ZNF469: variants seen among roughly 807,000 people sequenced by gnomAD.
ZNF469 encodes the protein zinc finger protein 469.
Under a neutral mutation model 1.0 loss-of-function variants are expected in ZNF469, and 1 was observed. The observed-to-expected ratio is 1.00, with a 90% CI of 0.35 to 4.73. The LOEUF (loss-of-function observed/expected upper bound fraction) is 4.73. Among genes scored for constraint, ZNF469 ranks in the 30% most tolerant of loss-of-function variants. The pLI, the probability that ZNF469 is intolerant of heterozygous loss-of-function variation, is 0.16. For synonymous variants in ZNF469, 2,703 were observed against 2,363.4 expected (o/e 1.14, Z -4.17); for missense variants, 6,100 against 5,356.3 (o/e 1.14, Z -4.33).
the ZNF469 span, among the ~76,000 whole-genome samples, chr16:88,332,711 A>G: frequency 6.6e-6 from 1 of 152,178 alleles, no homozygotes; most frequent in South Asian, 2.1e-4. Context: ...GATGGGCAGG[A>G]TGGGGGAGGG....
the ZNF469 span, among the ~76,000 whole-genome samples, chr16:88,155,475 C>T: frequency 6.6e-6 from 1 of 152,216 alleles, no homozygotes; most frequent in Non-Finnish European, 1.5e-5. Context: ...CCCATCCTCT[C>T]ATCCCCCAGC....
At chr16:88,133,072 G>A in the ZNF469 span, among the ~76,000 whole-genome samples, 1 of 152,200 alleles carries the variant, frequency 6.6e-6, no homozygotes, top group African/African-American at 2.4e-5. Context: ...GGGCCGGGGG[G>A]CTGCCCTTCT....
chr16:88,358,117 G>T, the ZNF469 span, among the ~76,000 whole-genome samples: 1 of 152,192 alleles, frequency 6.6e-6, no homozygotes, highest in Non-Finnish European at 1.5e-5. Flanking sequence ...GCTGCTTGAG[G>T]TCCCACCTCC....
At chr16:88,238,776 C>G in the ZNF469 span, among the ~76,000 whole-genome samples, 1 of 152,266 alleles carries the variant, frequency 6.6e-6, no homozygotes, top group Non-Finnish European at 1.5e-5. Flanking sequence ...CAGCCATGCC[C>G]TGTGATAATC....
the ZNF469 span, among the ~76,000 whole-genome samples, chr16:88,288,959 G>T: frequency 6.6e-6 from 1 of 152,132 alleles, no homozygotes; most frequent in Non-Finnish European, 1.5e-5. Flanking sequence ...CAGTGTTCTT[G>T]GTGACTCTAC....
chr16:88,204,505 G>A, the ZNF469 span, among the ~76,000 whole-genome samples: 2 of 152,214 alleles, frequency 1.3e-5, no homozygotes, highest in Non-Finnish European at 2.9e-5. Flanking sequence ...CCCTCTTCGT[G>A]GAAAACCGTG....
the ZNF469 span, among the ~76,000 whole-genome samples, chr16:88,148,057 C>T: frequency 6.6e-5 from 10 of 150,946 alleles, no homozygotes; most frequent in East Asian, 1.8e-3. Flanking sequence ...CTTTGCACCC[C>T]GCTCTGCAGC....
chr16:88,287,199 A>C, the ZNF469 span, among the ~76,000 whole-genome samples: 1 of 152,222 alleles, frequency 6.6e-6, no homozygotes, highest in African/African-American at 2.4e-5. Context: ...ATGGCCATTC[A>C]TCCTCACTGC....
the ZNF469 span, among the ~76,000 whole-genome samples, chr16:88,266,132 A>G: frequency 6.6e-6 from 1 of 152,324 alleles, no homozygotes; most frequent in African/African-American, 2.4e-5. Flanking sequence ...GTTGGCCACT[A>G]CTGAGGGTCA....
chr16:88,141,251 C>A, the ZNF469 span, among the ~76,000 whole-genome samples: 1 of 152,242 alleles, frequency 6.6e-6, no homozygotes, highest in East Asian at 1.9e-4. Context: ...ACAAGATGGA[C>A]GTCTTCAGTT....
At chr16:88,275,027 T>G in the ZNF469 span, among the ~76,000 whole-genome samples, 1 of 152,094 alleles carries the variant, frequency 6.6e-6, no homozygotes, top group Non-Finnish European at 1.5e-5. Flanking sequence ...AGTGAGTGTG[T>G]GGGAGGGGGT....
chr16:88,289,208 T>C, the ZNF469 span, among the ~76,000 whole-genome samples: 1 of 136,174 alleles, frequency 7.3e-6, no homozygotes, highest in East Asian at 2.0e-4. Context: ...ATGATGGTGA[T>C]GGTGGTGATG....
chr16:88,370,817 G>A, the ZNF469 span, among the ~76,000 whole-genome samples: 1 of 152,216 alleles, frequency 6.6e-6, no homozygotes, highest in Non-Finnish European at 1.5e-5. Context: ...CTTGAAGTTG[G>A]CTTTGGCGAT....
the ZNF469 span, among the ~76,000 whole-genome samples, chr16:88,299,230 A>C: frequency 1.4e-5 from 2 of 142,950 alleles, no homozygotes; most frequent in African/African-American, 5.4e-5. Context: ...GGCTTCCTGG[A>C]GGAGGCAGCT....
the ZNF469 span, among the ~76,000 whole-genome samples, chr16:88,296,678 A>C: frequency 1.2e-4 from 18 of 151,262 alleles, no homozygotes; most frequent in East Asian, 9.8e-4. Context: ...ACTCATGCAC[A>C]CTCGTGCACA....
At chr16:88,353,104 T>C in the ZNF469 span, among the ~76,000 whole-genome samples, 1 of 152,048 alleles carries the variant, frequency 6.6e-6, no homozygotes, top group African/African-American at 2.4e-5. Context: ...AACCCTTAGG[T>C]GGGCTGACAT....
At chr16:88,127,756 A>C in the ZNF469 span, among the ~76,000 whole-genome samples, 3 of 152,156 alleles carry the variant, frequency 2.0e-5, no homozygotes, top group Non-Finnish European at 4.4e-5. Flanking sequence ...TGTATTTGAG[A>C]TGAAGAAGGT....
chr16:88,349,468 ACC>A, the ZNF469 span, among the ~76,000 whole-genome samples: 1 of 147,288 alleles, frequency 6.8e-6, no homozygotes, highest in East Asian at 2.1e-4. Context: ...AAGTACGCAC[ACC>A]CGGCACAATA....
chr16:88,190,915 T>C, the ZNF469 span, among the ~76,000 whole-genome samples: 1 of 152,236 alleles, frequency 6.6e-6, no homozygotes, highest in African/African-American at 2.4e-5. Flanking sequence ...AGCCAGCCCC[T>C]GCCAACACCT....
Sources: allele counts gnomAD v4.1 joint callset (sites outside exome capture counted in the v4.1 genomes callset), GRCh38; gene constraint gnomAD v4.1.1; transcripts MANE v1.5; gene names NCBI Gene and HGNC (gene_info 2026-07-23, HGNC 2026-07-21).